Variants in DCAF6 observed in about 807,000 individuals in gnomAD.
DCAF6 encodes DDB1 and CUL4 associated factor 6.
DCAF6 carries 54 observed loss-of-function variants against 125.1 expected under a neutral mutation model. The observed-to-expected ratio is 0.43, with a 90% CI of 0.35 to 0.54. The LOEUF is 0.54. DCAF6 is among the 20% of genes least tolerant of loss of function. The pLI is 0.01. For synonymous variants in DCAF6, 371 were observed against 390.4 expected (o/e 0.95, Z 0.58); for missense variants, 934 against 1,161.7 (o/e 0.80, Z 2.85).
chr1:168,025,234 A>G (rs944745716), intron 12 of DCAF6, among the ~76,000 whole-genome samples: 3 of 152,318 alleles, frequency 2.0e-5, no homozygotes, highest in Middle Eastern at 3.4e-3. Context: ...GATAATTTAC[A>G]TATGATATGG....
chr1:167,869,186 G>C, the DCAF6 span, among the ~76,000 whole-genome samples: 3 of 152,132 alleles, frequency 2.0e-5, no homozygotes, highest in African/African-American at 4.8e-5. Flanking sequence ...AGCACTAGGA[G>C]GATTTAAAAC....
chr1:168,073,952 T>TATAATGAATGAA (rs1693455907), intron 21 of DCAF6, among the ~76,000 whole-genome samples: 1 of 148,208 alleles, frequency 6.7e-6, no homozygotes, highest in Non-Finnish European at 1.5e-5. Context: ...TTCATTTATT[T>TATAATGAATGAA]TATAAATATG....
chr1:168,067,752 T>C (rs1692519472), intron 20 of DCAF6, among the ~76,000 whole-genome samples: 1 of 152,214 alleles, frequency 6.6e-6, no homozygotes, highest in African/African-American at 2.4e-5. Flanking sequence ...TCATACTCTT[T>C]CTTTCATCCT....
At chr1:167,883,627 A>C in the DCAF6 span, 1 of 1,614,044 alleles carries the variant, frequency 6.2e-7, no homozygotes, top group African/African-American at 1.3e-5. Flanking sequence ...TTTGTTATCA[A>C]TCTGCAAAGT....
At chr1:167,923,296 A>G in the DCAF6 span, among the ~76,000 whole-genome samples, 1 of 152,218 alleles carries the variant, frequency 6.6e-6, no homozygotes, top group Non-Finnish European at 1.5e-5. Flanking sequence ...AAGCAAACCA[A>G]TTGTCCAATC....
chr1:167,935,004 A>G (rs1379523100), upstream of DCAF6, among the ~76,000 whole-genome samples: 1 of 152,114 alleles, frequency 6.6e-6, no homozygotes. Flanking sequence ...CTGAGCATTT[A>G]CAAAGAGTCA....
the DCAF6 span, among the ~76,000 whole-genome samples, chr1:167,900,421 T>C: frequency 1.3e-5 from 2 of 152,260 alleles, no homozygotes; most frequent in African/African-American, 2.4e-5. Flanking sequence ...GGGGGCTGGG[T>C]TCCCATCATT....
Position 168,063,614 on chromosome 1 carries a change from C to A in DCAF6, c.2301-7C>A. 1 of 1,520,494 alleles carries A rather than the reference C, an allele frequency of 6.6e-7. No individual in the cohort carries two copies. The highest frequency in any genetic ancestry group is 8.8e-7 in the Non-Finnish European group (1 of 1,140,548). 94.2% of individuals were successfully genotyped at this position (1,520,494 alleles called of 1,614,324 possible). A position where few individuals can be genotyped will look rare whatever the true frequency, so the allele number is the denominator to read the frequency against. On this transcript the variant is annotated splice_region_variant and splice_polypyrimidine_tract_variant and intron_variant, in intron 17 of 21. Coordinates refer to ENST00000367840, the MANE Select transcript of DCAF6 (RefSeq NM_001198956.2). ...ATTTTTGTTTTTTTAATATGTAATT[C>A]ATATAGACGCTCTGCTGTTGCCCGT...
intron 12 of DCAF6, among the ~76,000 whole-genome samples, chr1:168,036,389 A>T (rs770540548): frequency 1.3e-5 from 2 of 152,232 alleles, no homozygotes; most frequent in Non-Finnish European, 2.9e-5. Flanking sequence ...CTTCTCTCAC[A>T]TCTGCTTTTG....
intron 10 of DCAF6, among the ~76,000 whole-genome samples, chr1:168,011,192 C>T (rs1486558321): frequency 6.7e-6 from 1 of 148,976 alleles, no homozygotes; most frequent in Non-Finnish European, 1.5e-5. Flanking sequence ...CCTCGGCTCA[C>T]TGCAACCTCT....
chr1:167,906,380 T>TAGC, the DCAF6 span, among the ~76,000 whole-genome samples: 1 of 148,088 alleles, frequency 6.8e-6, no homozygotes, highest in Non-Finnish European at 1.5e-5. Context: ...AAAAAAAGGG[T>TAGC]AGCATTAAAA....
At chr1:167,920,078 G>T in the DCAF6 span, 1 of 1,608,774 alleles carries the variant, frequency 6.2e-7, no homozygotes, top group Non-Finnish European at 8.5e-7. Flanking sequence ...TGAGTATCTT[G>T]ACCAAATAAA....
At chr1:168,049,969 T>C (rs1309814808) in intron 16 of DCAF6, among the ~76,000 whole-genome samples, 1 of 151,784 alleles carries the variant, frequency 6.6e-6, no homozygotes. Context: ...TAATTTTTTT[T>C]TTTTTTTACA....
At chr1:167,905,746 G>T in the DCAF6 span, among the ~76,000 whole-genome samples, 1 of 152,088 alleles carries the variant, frequency 6.6e-6, no homozygotes, top group African/African-American at 2.4e-5. Context: ...AAATGTGTGT[G>T]TGTGTGTGTG....
intron 12 of DCAF6, chr1:168,023,627 A>T (rs1372541630): frequency 2.6e-5 from 4 of 154,464 alleles, no homozygotes; most frequent in African/African-American, 9.6e-5. Flanking sequence ...CCAAGCCTTG[A>T]ATAGAGCCTG....
At chr1:168,028,541 A>C (rs1557998556) in intron 12 of DCAF6, among the ~76,000 whole-genome samples, 1 of 152,176 alleles carries the variant, frequency 6.6e-6, no homozygotes, top group Non-Finnish European at 1.5e-5. Flanking sequence ...TATAAACACT[A>C]ATTTGTAGGT....
At chr1:167,889,876 T>C in the DCAF6 span, among the ~76,000 whole-genome samples, 1 of 152,356 alleles carries the variant, frequency 6.6e-6, no homozygotes, top group Non-Finnish European at 1.5e-5. Context: ...TTATCAGTTG[T>C]AATGTCTCCT....
At chr1:167,919,845 T>C in the DCAF6 span, 11 of 567,786 alleles carry the variant, frequency 1.9e-5, no homozygotes, top group Non-Finnish European at 9.5e-6. Context: ...TAGCATTATA[T>C]ATGAATCTTT....
intron 1 of DCAF6, among the ~76,000 whole-genome samples, chr1:167,948,513 T>C (rs1673434657): frequency 6.6e-6 from 1 of 152,168 alleles, no homozygotes; most frequent in African/African-American, 2.4e-5. Context: ...AATTCTCAAC[T>C]AGTCTAGTAA....
Sources: gnomAD v4.1 joint callset for allele counts (sites outside exome capture counted in the v4.1 genomes callset) on GRCh38, gnomAD v4.1.1 for gene constraint, MANE v1.5 for transcripts, NCBI Gene and HGNC (gene_info 2026-07-23, HGNC 2026-07-21) for gene names.